Variants in SYT16 observed in about 807,000 individuals in gnomAD.
SYT16 encodes synaptotagmin 16.
SYT16 carries 42 observed loss-of-function variants against 61.4 expected under a neutral mutation model. That is an observed-to-expected ratio of 0.68 (90% CI 0.53 to 0.89). The LOEUF is 0.89. Among genes scored for constraint, SYT16 ranks in the 40% least tolerant of loss-of-function variants. The pLI is 0.00. For missense variants in SYT16, 804 were observed against 807.3 expected (o/e 1.00, Z 0.05); for synonymous variants, 314 against 302.3 (o/e 1.04, Z -0.40).
intron 2 of SYT16, among the ~76,000 whole-genome samples, chr14:61,977,275 C>T (rs1049110986): frequency 3.3e-5 from 5 of 152,202 alleles, no homozygotes; most frequent in Non-Finnish European, 4.4e-5. Flanking sequence ...TTTCAAGTAT[C>T]TTTATAGCAG....
intron 1 of SYT16, chr14:61,831,979 G>A (rs1008340281): frequency 1.2e-5 from 7 of 602,734 alleles, no homozygotes; most frequent in African/African-American, 5.5e-5. Flanking sequence ...TCAAAGGTGT[G>A]CGGGATGGGG....
At chr14:61,937,598 G>A (rs1256488599) in intron 1 of SYT16, among the ~76,000 whole-genome samples, 1 of 152,208 alleles carries the variant, frequency 6.6e-6, no homozygotes, top group Admixed American at 6.5e-5. Flanking sequence ...TACAGCCACT[G>A]TGGATGGGCA....
intron 3 of SYT16, among the ~76,000 whole-genome samples, chr14:62,025,318 G>A (rs1349748573): frequency 2.0e-5 from 3 of 152,018 alleles, no homozygotes; most frequent in Admixed American, 6.6e-5. Flanking sequence ...TGTCTTATTG[G>A]TGTTTTAATT....
chr14:62,048,869 A>G (rs1379742036), intron 3 of SYT16, among the ~76,000 whole-genome samples: 1 of 152,076 alleles, frequency 6.6e-6, no homozygotes, highest in Non-Finnish European at 1.5e-5. Flanking sequence ...TGTTCTTTAC[A>G]TTTGCTGAGG....
At chr14:61,839,066 T>C (rs983790281) in intron 1 of SYT16, among the ~76,000 whole-genome samples, 1 of 148,078 alleles carries the variant, frequency 6.8e-6, no homozygotes, top group Non-Finnish European at 1.5e-5. Flanking sequence ...AATCAAGTAC[T>C]AAGTGCTAGG....
At chr14:61,834,100 GCT>G (rs1401874403) in intron 1 of SYT16, among the ~76,000 whole-genome samples, 1 of 151,592 alleles carries the variant, frequency 6.6e-6, no homozygotes, top group African/African-American at 2.4e-5. Flanking sequence ...ATCCATATCA[GCT>G]CTGTATACTA....
At chr14:61,882,760 T>C (rs2047746803) in intron 1 of SYT16, among the ~76,000 whole-genome samples, 1 of 152,216 alleles carries the variant, frequency 6.6e-6, no homozygotes, top group South Asian at 2.1e-4. Flanking sequence ...GCCTGTAAAA[T>C]TGAAAGCAAG....
At chr14:61,914,942 A>G (rs1412426075) in intron 1 of SYT16, among the ~76,000 whole-genome samples, 1 of 152,040 alleles carries the variant, frequency 6.6e-6, no homozygotes, top group Non-Finnish European at 1.5e-5. Flanking sequence ...AACTCTTACC[A>G]TGGCCCATAG....
At chr14:61,842,149 T>C (rs1215284620) in intron 1 of SYT16, among the ~76,000 whole-genome samples, 2 of 152,346 alleles carry the variant, frequency 1.3e-5, no homozygotes, top group Non-Finnish European at 2.9e-5. Context: ...GAGGGATCTC[T>C]ACCATCAAAC....
At chr14:62,098,932 A>G (rs113371756) in intron 7 of SYT16, among the ~76,000 whole-genome samples, 2 of 152,202 alleles carry the variant, frequency 1.3e-5, no homozygotes, top group Non-Finnish European at 2.9e-5. Context: ...AACAAAAGTC[A>G]TATGAGGCTG....
chr14:61,883,035 G>A (rs2047759117), intron 1 of SYT16, among the ~76,000 whole-genome samples: 1 of 152,190 alleles, frequency 6.6e-6, no homozygotes, highest in Non-Finnish European at 1.5e-5. Flanking sequence ...TGAAGCAGCT[G>A]GGATGCTGGG....
chr14:62,043,099 C>CTTTT (rs58063130), intron 3 of SYT16, among the ~76,000 whole-genome samples: 1 of 137,048 alleles, frequency 7.3e-6, no homozygotes, highest in Admixed American at 7.3e-5. Context: ...TGTGGTTTCT[C>CTTTT]TTTTTTTTTT....
intron 2 of SYT16, among the ~76,000 whole-genome samples, chr14:61,971,127 G>T (rs565542267): frequency 2.6e-5 from 4 of 152,204 alleles, no homozygotes; most frequent in African/African-American, 9.6e-5. Context: ...GAGGATTTGG[G>T]TTACTGATAT....
At position 62,011,359 on chromosome 14, in the gene SYT16, C is replaced by T. The variant is rs1437963751; in HGVS notation, c.523+14817C>T. Among the ~76,000 whole-genome samples, 6 of 152,232 alleles carry T rather than the reference C, an allele frequency of 3.9e-5. No individual in the cohort carries two copies. The East Asian group carries it at 1.2e-3, about 29-fold the overall frequency. On this transcript the variant is annotated intron_variant, in intron 3 of 7. Coordinates refer to ENST00000683842, the MANE Select transcript of SYT16 (RefSeq NM_001367656.1). Reference sequence around the variant, plus strand: ...TTACCAGAACCTCCAGGTTTATATCCTCCTAGGTTACAATCCAGTGGAGAA... The same window carrying T: ...TTACCAGAACCTCCAGGTTTATATCTTCCTAGGTTACAATCCAGTGGAGAA...
rs559586608 is a variant in SYT16, at chr14:61,882,148, A to C, written c.-325+69338A>C. On this transcript the variant is annotated intron_variant, in intron 1 of 7. Coordinates refer to ENST00000683842, the MANE Select transcript of SYT16 (RefSeq NM_001367656.1). ...TCCTTTTAAAAATACAGGTCTAATT[A>C]AATCACCCTCATATGGCAGACATTG... is the stretch of plus-strand genomic sequence containing the variant. Among the ~76,000 whole-genome samples the C allele has an allele frequency of 5.9e-5, 9 of 152,334 alleles. No homozygotes were observed. In the South Asian group the frequency reaches 1.9e-3, roughly 32 times the overall value.
rs12431475 is a variant in SYT16, at chr14:62,100,813, C to A, written c.*106C>A. 2.4e-3 allele frequency: 2,745 copies of A among 1,138,086 alleles called. 112 individuals are homozygous for A. In the Admixed American group the frequency reaches 0.066, roughly 27 times the overall value. The allele number at this position is 1,138,086 out of a possible 1,614,324, so 70.5% of individuals were successfully genotyped here. On this transcript the variant is annotated 3_prime_UTR_variant, in exon 8 of 8. Transcript: ENST00000683842. ...GGTTTCAGGGTTTCAAAAACAGATT[C>A]CACTAACCCCTAGGACATTGTGAGT...
intron 3 of SYT16, among the ~76,000 whole-genome samples, chr14:62,059,777 T>TACACACACAC (rs34498170): frequency 0.15 from 21,271 of 146,674 alleles, 1,578 homozygotes; most frequent in South Asian, 0.21. Flanking sequence ...TGTATACACA[T>TACACACACAC]ACACACACAC....
chr14:62,049,610 G>A (rs1361812366), intron 3 of SYT16, among the ~76,000 whole-genome samples: 1 of 152,170 alleles, frequency 6.6e-6, no homozygotes, highest in Non-Finnish European at 1.5e-5. Context: ...TGCAGCGGCT[G>A]GTACCACTTG....
At position 62,108,938 on chromosome 14, in the gene SYT16, C is replaced by T. The variant is rs1158615629; in HGVS notation, c.*8231C>T. 6.6e-6 allele frequency: 1 copy of T among 152,126 alleles called. No homozygotes were observed. The highest frequency in any genetic ancestry group is 2.4e-5 in the African/African-American group (1 of 41,422). The allele number at this position is 152,126 out of a possible 1,614,324, so 9.4% of individuals were successfully genotyped here. A position where few individuals can be genotyped will look rare whatever the true frequency, so the allele number is the denominator to read the frequency against. On this transcript the variant is annotated 3_prime_UTR_variant, in exon 8 of 8. Transcript: ENST00000683842. ...AATTGATCCTAAAATATAGAGTTCT[C>T]ATATACTCCAAACACAACCTTCTTC... is the stretch of plus-strand genomic sequence containing the variant.
Sources: allele counts gnomAD v4.1 joint callset (sites outside exome capture counted in the v4.1 genomes callset), GRCh38; gene constraint gnomAD v4.1.1; transcripts MANE v1.5; gene names NCBI Gene and HGNC (gene_info 2026-07-23, HGNC 2026-07-21).